The following ZFAT variants were observed in gnomAD, a reference collection of about 807,000 sequenced individuals.
The protein encoded by ZFAT is zinc finger protein ZFAT.
A neutral mutation model predicts 117.7 loss-of-function variants in ZFAT; 64 were observed. The ratio of observed to expected loss-of-function variants is 0.54; its 90% CI spans 0.44 to 0.67. ZFAT has a LOEUF of 0.67. Ranked by LOEUF, ZFAT falls within the 30% of genes least tolerant of loss-of-function variation. The pLI is 0.00. For missense variants in ZFAT, 1,433 were observed against 1,584.5 expected, an observed-to-expected ratio of 0.90 and a Z score of 1.62; for synonymous variants, 679 against 615.0, an observed-to-expected ratio of 1.10 and a Z score of -1.54.
the ZFAT span, among the ~76,000 whole-genome samples, chr8:134,739,151 A>T: frequency 6.6e-6 from 1 of 152,092 alleles, no homozygotes. Flanking sequence ...AATGCCATAG[A>T]CCCCAGCTGG....
At chr8:134,572,574 TC>T (rs1176527346) in intron 10 of ZFAT, among the ~76,000 whole-genome samples, 5 of 152,202 alleles carry the variant, frequency 3.3e-5, no homozygotes, top group Admixed American at 1.3e-4. Flanking sequence ...AGCATCTTTC[TC>T]CCTCTTCTTC....
chr8:134,759,622 A>G, the ZFAT span, among the ~76,000 whole-genome samples: 1 of 152,282 alleles, frequency 6.6e-6, no homozygotes, highest in East Asian at 1.9e-4. Context: ...AAATCAAGAA[A>G]CAAACTGAAG....
chr8:134,767,049 G>T, the ZFAT span: 34 of 152,254 alleles, frequency 2.2e-4, no homozygotes, highest in African/African-American at 7.2e-4. Context: ...TTACTCCAGG[G>T]CATATTCTGT....
the ZFAT span, chr8:134,800,654 G>A: frequency 7.2e-6 from 3 of 415,634 alleles, no homozygotes; most frequent in Admixed American, 5.7e-5. Flanking sequence ...GGTTCTTTAC[G>A]TAAGACTCTG....
the ZFAT span, among the ~76,000 whole-genome samples, chr8:134,813,970 A>G: frequency 2.6e-5 from 4 of 152,150 alleles, no homozygotes; most frequent in African/African-American, 4.8e-5. Context: ...TGGGAGACAA[A>G]AAGTTAATAT....
At chr8:134,577,481 C>T (rs1481405309) in intron 10 of ZFAT, among the ~76,000 whole-genome samples, 5 of 152,200 alleles carry the variant, frequency 3.3e-5, no homozygotes, top group African/African-American at 1.2e-4. Flanking sequence ...ATACCTAATT[C>T]ACAAGCATTT....
chr8:134,488,715 CA>C, intron 15 of ZFAT, among the ~76,000 whole-genome samples: 1 of 151,640 alleles, frequency 6.6e-6, no homozygotes, highest in East Asian at 2.0e-4. Flanking sequence ...AAGAAAAGGA[CA>C]GGGGGCTTGT....
chr8:134,541,843 A>G (rs1245397708), intron 11 of ZFAT, among the ~76,000 whole-genome samples: 18 of 152,230 alleles, frequency 1.2e-4, no homozygotes, highest in Non-Finnish European at 1.5e-5. Context: ...CTCATAAATA[A>G]AGTATCGGCT....
At chr8:134,710,525 T>C (rs1405416111) in intron 1 of ZFAT, among the ~76,000 whole-genome samples, 1 of 152,232 alleles carries the variant, frequency 6.6e-6, no homozygotes, top group Non-Finnish European at 1.5e-5. Flanking sequence ...TGTATCTAAA[T>C]TGCAATCCCC....
intron 3 of ZFAT, among the ~76,000 whole-genome samples, chr8:134,635,610 A>G (rs1226853303): frequency 6.6e-6 from 1 of 150,412 alleles, no homozygotes; most frequent in Admixed American, 6.7e-5. Context: ...TGAGACAGAA[A>G]GAGAGACAGG....
chr8:134,643,702 G>C (rs1021728193), intron 2 of ZFAT, among the ~76,000 whole-genome samples: 2 of 152,162 alleles, frequency 1.3e-5, no homozygotes, highest in Non-Finnish European at 2.9e-5. Flanking sequence ...TGTGTGCTCC[G>C]GCACTGGCTG....
Position 134,478,842 on chromosome 8 carries a change from C to T in ZFAT, c.3493-121G>A, listed in dbSNP as rs1223880872. ...GCTGCGGGAGCACGTCCATTCTCCA[C>T]GGATCCTCTCTACCAGGCTGTGCTT... On this transcript the variant is annotated intron_variant, in intron 15 of 15. Coordinates refer to ENST00000377838, the MANE Select transcript of ZFAT (RefSeq NM_020863.4). This position sits in a 1 kb window ranked among gnomAD's most constrained non-coding sequence, Gnocchi z 5.2. 7.2e-6 allele frequency: 10 copies of T among 1,387,348 alleles called. No homozygotes were observed. Among genetic ancestry groups the T allele is most frequent in the African/African-American group, 1.4e-5 (1 of 69,810 alleles). 85.9% of individuals were successfully genotyped at this position (1,387,348 alleles called of 1,614,324 possible).
chr8:134,671,072 A>G (rs1302691359), intron 1 of ZFAT, among the ~76,000 whole-genome samples: 1 of 152,208 alleles, frequency 6.6e-6, no homozygotes, highest in African/African-American at 2.4e-5. Flanking sequence ...CAATCTCTGA[A>G]TAGACCAATA....
rs371865444 is a variant in ZFAT at position 134,478,755 on chromosome 8, C to A, written c.3493-34G>T. On this transcript the variant is annotated intron_variant, in intron 15 of 15. Coordinates refer to ENST00000377838, the MANE Select transcript of ZFAT (RefSeq NM_020863.4). This position sits in a 1 kb window ranked among gnomAD's most constrained non-coding sequence, Gnocchi z 5.2. Reference sequence around the variant, plus strand: ...GGAGGGCAAGAGAAAGGTCACCCAGCGCCTACTTCCCGGTCCAGCGTAACA... The same window carrying A: ...GGAGGGCAAGAGAAAGGTCACCCAGAGCCTACTTCCCGGTCCAGCGTAACA... 1 of 1,533,350 alleles carries A rather than the reference C, an allele frequency of 6.5e-7. No homozygotes were observed. Among genetic ancestry groups the A allele is most frequent in the African/African-American group, 1.4e-5 (1 of 72,926 alleles). 95.0% of individuals were successfully genotyped at this position (1,533,350 alleles called of 1,614,324 possible).
chr8:134,601,742 G>T lies in ZFAT; in HGVS notation c.1977C>A (p.Asn659Lys). The T allele has an allele frequency of 1.9e-6, 3 of 1,613,646 alleles. No individual in the cohort carries two copies. The highest frequency in any genetic ancestry group is 2.5e-6 in the Non-Finnish European group (3 of 1,179,790). ...GAQSPLGEGQ[N>K]MAVLSAGDPD... ...GGTCACCAGCTGAAAGCACAGCCAT[G>T]TTCTGCCCTTCCCCTAGGGGGCTCT... Residue 659 changes from asparagine to lysine, a missense_variant, in exon 6 of 16, where the codon AAC becomes AAA. Physicochemically the swap from Asn to Lys is moderately conservative, Grantham distance 94. Transcript: ENST00000377838.
chr8:134,716,797 CT>C (rs1268168677), upstream of ZFAT, among the ~76,000 whole-genome samples: 1 of 152,142 alleles, frequency 6.6e-6, no homozygotes, highest in African/African-American at 2.4e-5. Context: ...AATTACAAAA[CT>C]AGTTACAATT....
intron 11 of ZFAT, among the ~76,000 whole-genome samples, chr8:134,542,428 G>T (rs114402415): frequency 0.011 from 1,745 of 152,312 alleles, 36 homozygotes; most frequent in African/African-American, 0.039. Flanking sequence ...TACCAAACAG[G>T]TAGTTTTTCA....
intron 15 of ZFAT, among the ~76,000 whole-genome samples, chr8:134,508,657 T>C (rs1354322130): frequency 2.6e-5 from 4 of 152,246 alleles, no homozygotes; most frequent in Non-Finnish European, 5.9e-5. Flanking sequence ...TGACATCCTT[T>C]ATGTCATACT....
chr8:134,743,857 G>C, the ZFAT span, among the ~76,000 whole-genome samples: 1 of 152,150 alleles, frequency 6.6e-6, no homozygotes, highest in African/African-American at 2.4e-5. Context: ...CTCCACCCAG[G>C]GCTGCCAGAA....
Sources: allele counts gnomAD v4.1 joint callset (sites outside exome capture counted in the v4.1 genomes callset), GRCh38; gene constraint gnomAD v4.1.1; non-coding constraint Gnocchi (gnomAD v3.1); transcripts MANE v1.5; gene names NCBI Gene and HGNC (gene_info 2026-07-23, HGNC 2026-07-21).